CNTN4: variants seen among roughly 807,000 people sequenced by gnomAD.
CNTN4 encodes the protein contactin 4.
Under a neutral mutation model 122.5 loss-of-function variants are expected in CNTN4, and 77 were observed. The ratio of observed to expected loss-of-function variants is 0.63; its 90% confidence interval spans 0.52 to 0.76. The LOEUF (loss-of-function observed/expected upper bound fraction) is 0.76, where lower values mean the gene tolerates loss of function less well. CNTN4 is among the 30% of genes least tolerant of loss of function. CNTN4 has a pLI of 0.00. For synonymous variants in CNTN4, 512 were observed against 447.0 expected (o/e 1.15, Z -1.83); for missense variants, 1,256 against 1,259.1 (o/e 1.00, Z 0.04).
At chr3:2,431,912 A>G (rs1254805926) in intron 3 of CNTN4, among the ~76,000 whole-genome samples, 1 of 152,196 alleles carries the variant, frequency 6.6e-6, no homozygotes, top group Non-Finnish European at 1.5e-5. Context: ...GAGTTGGGTG[A>G]ATAAACATAT....
chr3:2,500,232 A>G (rs940394147), intron 3 of CNTN4, among the ~76,000 whole-genome samples: 4 of 152,070 alleles, frequency 2.6e-5, no homozygotes, highest in African/African-American at 9.7e-5. Flanking sequence ...AACTTGAATC[A>G]CCTTCTTTCT....
At chr3:2,853,723 G>T (rs180863224) in intron 7 of CNTN4, among the ~76,000 whole-genome samples, 1 of 152,116 alleles carries the variant, frequency 6.6e-6, no homozygotes, top group African/African-American at 2.4e-5. Context: ...GACACTTTGC[G>T]CTCGCTCTCT....
chr3:2,738,514 A>G (rs983432402), intron 5 of CNTN4, among the ~76,000 whole-genome samples: 1 of 152,230 alleles, frequency 6.6e-6, no homozygotes, highest in African/African-American at 2.4e-5. Flanking sequence ...GATTCCAGAT[A>G]GAAGAGCTGA....
intron 2 of CNTN4, among the ~76,000 whole-genome samples, chr3:2,139,476 C>T (rs2727916): frequency 1.3e-5 from 2 of 152,074 alleles, no homozygotes; most frequent in Non-Finnish European, 2.9e-5. Flanking sequence ...ATTTTCATGA[C>T]GCACATTTTA....
At chr3:3,050,649 G>A (rs539105463) in intron 23 of CNTN4, among the ~76,000 whole-genome samples, 45 of 151,696 alleles carry the variant, frequency 3.0e-4, no homozygotes, top group Admixed American at 6.6e-4. Flanking sequence ...TGTAATGTTA[G>A]CTACTTGGGA....
chr3:2,175,017 G>A (rs1465246287), intron 2 of CNTN4, among the ~76,000 whole-genome samples: 1 of 152,178 alleles, frequency 6.6e-6, no homozygotes, highest in Non-Finnish European at 1.5e-5. Flanking sequence ...TGAGATTTGG[G>A]TGGGGTCAAA....
At chr3:2,911,811 A>G (rs1045968671) in intron 12 of CNTN4, among the ~76,000 whole-genome samples, 1 of 152,236 alleles carries the variant, frequency 6.6e-6, no homozygotes, top group African/African-American at 2.4e-5. Context: ...AATTTACTAG[A>G]GAGATTCAAC....
chr3:2,574,848 T>C (rs1401951418), intron 4 of CNTN4, among the ~76,000 whole-genome samples: 1 of 152,122 alleles, frequency 6.6e-6, no homozygotes, highest in African/African-American at 2.4e-5. Flanking sequence ...AGTCTTTTTT[T>C]TTCAATCTAC....
At chr3:2,708,731 A>G (rs1441603302) in intron 4 of CNTN4, among the ~76,000 whole-genome samples, 2 of 19,040 alleles carry the variant, frequency 1.1e-4, no homozygotes, top group Non-Finnish European at 2.9e-4. Context: ...CGCGCATCAC[A>G]CACACACACA....
chr3:2,635,753 G>A (rs1190501403), intron 4 of CNTN4, among the ~76,000 whole-genome samples: 1 of 152,090 alleles, frequency 6.6e-6, no homozygotes, highest in Non-Finnish European at 1.5e-5. Flanking sequence ...GGTTTCTTTA[G>A]AATAAACATA....
chr3:2,464,227 C>T (rs1028806390), intron 3 of CNTN4, among the ~76,000 whole-genome samples: 22 of 152,200 alleles, frequency 1.4e-4, no homozygotes, highest in African/African-American at 4.8e-4. Context: ...TAACACACTA[C>T]TGGAGATATG....
At chr3:2,520,936 A>G (rs1032024394) in intron 3 of CNTN4, among the ~76,000 whole-genome samples, 1 of 152,128 alleles carries the variant, frequency 6.6e-6, no homozygotes, top group African/African-American at 2.4e-5. Context: ...GAGTTCAGAG[A>G]TAGAAAATGA....
intron 7 of CNTN4, among the ~76,000 whole-genome samples, chr3:2,866,236 G>A (rs1004354586): frequency 2.6e-5 from 4 of 152,096 alleles, no homozygotes; most frequent in Non-Finnish European, 5.9e-5. Context: ...CTAGGTGCCC[G>A]TTTCTCAGTT....
At chr3:2,655,682 G>A (rs564363738) in intron 4 of CNTN4, among the ~76,000 whole-genome samples, 69 of 152,140 alleles carry the variant, frequency 4.5e-4, no homozygotes, top group African/African-American at 1.6e-3. Flanking sequence ...TGCAGAAAAG[G>A]GAGTCATAAT....
chr3:2,108,880 T>C (rs2032698988), intron 2 of CNTN4, among the ~76,000 whole-genome samples: 1 of 152,160 alleles, frequency 6.6e-6, no homozygotes, highest in African/African-American at 2.4e-5. Context: ...ACAGCTTTTG[T>C]TATGGATTGT....
chr3:2,690,332 C>G (rs936532781), intron 4 of CNTN4, among the ~76,000 whole-genome samples: 1 of 152,070 alleles, frequency 6.6e-6, no homozygotes, highest in Non-Finnish European at 1.5e-5. Context: ...GGAGTAAAGT[C>G]CCAAGTGTGT....
At chr3:2,251,086 A>G (rs1001606952) in intron 2 of CNTN4, among the ~76,000 whole-genome samples, 20 of 151,880 alleles carry the variant, frequency 1.3e-4, no homozygotes, top group Admixed American at 7.2e-4. Flanking sequence ...ACTATAGAAA[A>G]GAAGCTAATG....
At chr3:2,534,406 T>A (rs1024471827) in intron 3 of CNTN4, among the ~76,000 whole-genome samples, 4 of 152,010 alleles carry the variant, frequency 2.6e-5, no homozygotes, top group African/African-American at 7.2e-5. Context: ...GTCAAAGATG[T>A]GTGGTATTAT....
intron 2 of CNTN4, among the ~76,000 whole-genome samples, chr3:2,295,116 T>C (rs2042262286): frequency 6.7e-6 from 1 of 150,164 alleles, no homozygotes; most frequent in African/African-American, 2.5e-5. Context: ...TTTGCTATTG[T>C]GAATAGTGCT....
Sources: allele counts gnomAD v4.1 joint callset (sites outside exome capture counted in the v4.1 genomes callset), GRCh38; gene constraint gnomAD v4.1.1; transcripts MANE v1.5; gene names NCBI Gene and HGNC (gene_info 2026-07-23, HGNC 2026-07-21).